Variants in DICER1 observed in about 807,000 individuals in gnomAD.
The protein encoded by DICER1 is endoribonuclease Dicer.
Under a neutral mutation model 194.1 loss-of-function variants are expected in DICER1, and 43 were observed. The ratio of observed to expected loss-of-function variants is 0.22; its 90% CI spans 0.17 to 0.29. The LOEUF is 0.29. DICER1 is among the 10% of genes least tolerant of loss of function. The pLI is 1.00. For missense variants in DICER1, 1,608 were observed against 2,317.0 expected (o/e 0.69, Z 6.28); for synonymous variants, 832 against 820.5 (o/e 1.01, Z -0.24).
At chr14:95,112,752 T>C (rs1016829474) in intron 12 of DICER1, among the ~76,000 whole-genome samples, 2 of 152,300 alleles carry the variant, frequency 1.3e-5, no homozygotes, top group South Asian at 2.1e-4. Flanking sequence ...TTACTCTAAG[T>C]GTCTAAGCCA....
intron 22 of DICER1, among the ~76,000 whole-genome samples, chr14:95,097,051 G>A (rs567375569): frequency 4.6e-5 from 7 of 152,234 alleles, no homozygotes; most frequent in Admixed American, 4.6e-4. Context: ...AACTCTGGTA[G>A]GACACACAAT....
chr14:95,126,169 C>G lies in DICER1; in HGVS notation c.903+411G>C, dbSNP rs1893443927. ...GGGCCCACAATGGAAGGATCACTGT[C>G]CTAAGGGATCTCTTCTCAAAGCAGT... On this transcript the variant is annotated intron_variant, in intron 7 of 26. Transcript: ENST00000343455. 2.0e-5 allele frequency among the ~76,000 whole-genome samples: 3 copies of G among 152,280 alleles called. No individual in the cohort carries two copies. The South Asian group carries it at 6.2e-4, about 32-fold the overall frequency.
chr14:95,129,510 A>G lies in DICER1; in HGVS notation c.696T>C (p.Ser232=), dbSNP rs147505764. Reference sequence around the variant, plus strand: ...CCAGGTCAGTTGCAGTTTCAGCATTACTCTTAAGAATTTTCTCTAGTTTCT... The same window carrying G: ...CCAGGTCAGTTGCAGTTTCAGCATTGCTCTTAAGAATTTTCTCTAGTTTCT... ...KIQKLEKILK[S]NAETATDLVV... The change falls in exon 6 of 27, where the codon AGT becomes AGC. Residue 232 remains serine (S), a synonymous_variant. Transcript: ENST00000343455. The G allele has an allele frequency of 1.2e-6, 2 of 1,613,914 alleles. No homozygotes were observed. The highest frequency in any genetic ancestry group is 4.5e-5 in the East Asian group (2 of 44,850).
intron 8 of DICER1, among the ~76,000 whole-genome samples, chr14:95,118,419 A>C (rs1255875907): frequency 1.3e-5 from 2 of 152,172 alleles, no homozygotes; most frequent in African/African-American, 4.8e-5. Flanking sequence ...CACTGACCAA[A>C]ATTCTGCACA....
chr14:95,154,619 C>T lies in DICER1; in HGVS notation c.-46+2611G>A, dbSNP rs143454164. 4.9e-3 allele frequency among the ~76,000 whole-genome samples: 752 copies of T among 152,242 alleles called. 7 individuals carry two copies. The highest frequency in any genetic ancestry group is 0.017 in the African/African-American group (724 of 41,546). On this transcript the variant is annotated intron_variant, in intron 1 of 26. Transcript: ENST00000343455. ...TAAGCCAGACACAAAAGAACAAATA[C>T]TGTATGACTCTACTTATTTTGAGGT...
chr14:95,133,587 T>G, intron 1 of DICER1, 84 bp from the exon 2 acceptor site: 1 of 1,014,606 alleles, frequency 9.9e-7, no homozygotes. Context: ...AACATCAGAA[T>G]ATCATTCCTA....
intron 4 of DICER1, among the ~76,000 whole-genome samples, chr14:95,131,122 T>G (rs1893912664): frequency 6.6e-6 from 1 of 152,112 alleles, no homozygotes; most frequent in Non-Finnish European, 1.5e-5. Flanking sequence ...CTCCACCTTC[T>G]GGATTCAAGC....
chr14:95,094,190 G>A (rs2139817547), intron 23 of DICER1, 34 bp from the exon 24 acceptor site: 1 of 1,612,956 alleles, frequency 6.2e-7, no homozygotes, highest in Non-Finnish European at 8.5e-7. Context: ...GTAAGCTTGT[G>A]CAGAAGCATT....
intron 1 of DICER1, among the ~76,000 whole-genome samples, chr14:95,136,199 T>C (rs1158101082): frequency 6.6e-6 from 1 of 152,004 alleles, no homozygotes; most frequent in African/African-American, 2.4e-5. Flanking sequence ...ATAAATCTTT[T>C]TCTTCATTTT....
chr14:95,137,490 G>T (rs1292833336), intron 1 of DICER1, among the ~76,000 whole-genome samples: 1 of 141,778 alleles, frequency 7.1e-6, no homozygotes, highest in Non-Finnish European at 1.5e-5. Context: ...GGATAGGGAA[G>T]GGGAAGGGAA....
At chr14:95,152,982 C>T (rs774849594) in intron 1 of DICER1, among the ~76,000 whole-genome samples, 6 of 151,878 alleles carry the variant, frequency 4.0e-5, no homozygotes, top group East Asian at 3.9e-4. Flanking sequence ...TTTGGGAGGC[C>T]GAGACGGGAG....
At chr14:95,106,868 A>G (rs1891471839) in intron 17 of DICER1, among the ~76,000 whole-genome samples, 1 of 152,218 alleles carries the variant, frequency 6.6e-6, no homozygotes, top group African/African-American at 2.4e-5. Flanking sequence ...ATTTATAATC[A>G]AATTCTATAA....
chr14:95,108,117 AC>A, intron 15 of DICER1, 24 bp from the exon 16 acceptor site: 1 of 1,553,138 alleles, frequency 6.4e-7, no homozygotes, highest in South Asian at 1.1e-5. Context: ...AATGTAAAGC[AC>A]CCCTCAAAAT....
intron 22 of DICER1, 147 bp downstream of exon 22, chr14:95,099,633 A>C: frequency 9.9e-7 from 1 of 1,013,464 alleles, no homozygotes. Context: ...TTAATTAAAT[A>C]TATCAAATAT....
chr14:95,115,255 C>T (rs937539554), intron 11 of DICER1, among the ~76,000 whole-genome samples: 10 of 152,266 alleles, frequency 6.6e-5, no homozygotes, highest in Non-Finnish European at 1.2e-4. Context: ...TTATTATCAG[C>T]TCTGGACAAA....
At position 95,086,727 on chromosome 14, in the gene DICER1, C is replaced by G; in HGVS notation, c.*3771G>C. The G allele has an allele frequency of 4.3e-6, 1 of 232,982 alleles. No homozygotes were observed. Among genetic ancestry groups the G allele is most frequent in the Non-Finnish European group, 8.5e-6 (1 of 117,804 alleles). 14.4% of individuals were successfully genotyped at this position (232,982 alleles called of 1,614,324 possible). The stretch of plus-strand genomic sequence containing the variant: ...ATATTGCTATTGGCGTCTCCAACAA[C>G]TTTAAAAATCATTTTAATAGTCTTG... On this transcript the variant is annotated 3_prime_UTR_variant, in exon 27 of 27. Transcript: ENST00000343455.
chr14:95,106,957 A>G (rs1891477889), intron 17 of DICER1, among the ~76,000 whole-genome samples: 1 of 152,184 alleles, frequency 6.6e-6, no homozygotes, highest in Non-Finnish European at 1.5e-5. Flanking sequence ...TACAAAGGAA[A>G]ATTCCTTATC....
At chr14:95,129,342 T>C in intron 6 of DICER1, 130 bp downstream of exon 6, 1 of 822,858 alleles carries the variant, frequency 1.2e-6, no homozygotes, top group Admixed American at 2.0e-5. Context: ...ATTCTTACTC[T>C]TGCCCATTCC....
Position 95,107,715 on chromosome 14 carries a change from A to G in DICER1, c.2697T>C (p.Asp899=), listed in dbSNP as rs2140020047. 6.2e-7 allele frequency: 1 copy of G among 1,613,840 alleles called. No individual in the cohort carries two copies. Residue 899 remains aspartate (D), a synonymous_variant, in exon 17 of 27, where the codon GAT becomes GAC. Coordinates refer to ENST00000343455, the MANE Select transcript of DICER1 (RefSeq NM_177438.3). ...CTATGCGAGCTTCAGACTTCTCAAT[A>G]TCTTCCATGAATTTAAAGTCAATAT... ...TLDIDFKFME[D]IEKSEARIGI... is the part of the protein sequence containing the mutation.
Sources: allele counts gnomAD v4.1 joint callset (sites outside exome capture counted in the v4.1 genomes callset), GRCh38; gene constraint gnomAD v4.1.1; transcripts MANE v1.5; gene names NCBI Gene and HGNC (gene_info 2026-07-23, HGNC 2026-07-21).